Variants in R3HDM2 observed in about 807,000 individuals in gnomAD.
R3HDM2 encodes the protein R3H domain-containing protein 2.
In R3HDM2, 38 loss-of-function variants were observed where a neutral mutation model predicts 124.5. The observed-to-expected ratio is 0.31, with a 90% CI of 0.24 to 0.40. R3HDM2 has a LOEUF of 0.40. R3HDM2 is among the 10% of genes least tolerant of loss of function. The probability of loss-of-function intolerance (pLI) is 1.00; values close to 1 mark genes in which losing one functional copy is unlikely to be tolerated. For synonymous variants in R3HDM2, 391 were observed against 448.0 expected, an observed-to-expected ratio of 0.87 and a Z score of 1.61; for missense variants, 869 against 1,236.9, an observed-to-expected ratio of 0.70 and a Z score of 4.46.
chr12:57,314,141 T>C (rs1047519254), intron 2 of R3HDM2, among the ~76,000 whole-genome samples: 2 of 151,114 alleles, frequency 1.3e-5, no homozygotes, highest in Non-Finnish European at 2.9e-5. Context: ...TGAGCTGAGA[T>C]TGTGCCATTG....
chr12:57,357,622 G>A lies in R3HDM2; in HGVS notation c.-36+38127C>T, dbSNP rs113986277. On this transcript the variant is annotated intron_variant, in intron 2 of 23. Transcript: ENST00000402412. ...AAAGTTCAATTTTGTCAATCTTAAA[G>A]AACTAGCTTGTAGTTTTGCTGATTT... Among the ~76,000 whole-genome samples, 491 of 149,014 alleles carry A rather than the reference G, an allele frequency of 3.3e-3. 2 individuals carry two copies. Among genetic ancestry groups the A allele is most frequent in the African/African-American group, 0.01 (414 of 40,504 alleles).
In R3HDM2 at chr12:57,403,352, C is replaced by T. The variant is rs570232652; in HGVS notation, c.-105-7534G>A. The stretch of plus-strand genomic sequence containing the variant: ...ACTAAAAATACAAAAATTAGCTGGG[C>T]GTGATGGCGCACGCCTGTAATCCCA... On this transcript the variant is annotated intron_variant, in intron 1 of 23. Coordinates refer to ENST00000402412, the MANE Select transcript of R3HDM2 (RefSeq NM_001394031.1). Among the ~76,000 whole-genome samples the T allele has an allele frequency of 9.9e-5, 15 of 152,020 alleles. No individual in the cohort carries two copies. In the South Asian group the frequency reaches 2.1e-3, roughly 21 times the overall value.
intron 3 of R3HDM2, among the ~76,000 whole-genome samples, chr12:57,306,900 A>G (rs1040670064): frequency 6.6e-6 from 1 of 152,168 alleles, no homozygotes; most frequent in African/African-American, 2.4e-5. Flanking sequence ...CTGTAGTCCC[A>G]GCTACTTGGG....
intron 2 of R3HDM2, among the ~76,000 whole-genome samples, chr12:57,368,436 G>C (rs2062914804): frequency 6.6e-6 from 1 of 152,256 alleles, no homozygotes; most frequent in South Asian, 2.1e-4. Context: ...TCTTGATAAT[G>C]ATTTACTAGG....
At chr12:57,374,509 C>G (rs182247720) in intron 2 of R3HDM2, among the ~76,000 whole-genome samples, 45 of 150,806 alleles carry the variant, frequency 3.0e-4, no homozygotes, top group Admixed American at 6.7e-4. Flanking sequence ...TGGTAAAACC[C>G]TGTCTCTACT....
intron 2 of R3HDM2, among the ~76,000 whole-genome samples, chr12:57,338,227 C>T (rs1488326380): frequency 6.6e-6 from 1 of 152,082 alleles, no homozygotes; most frequent in Admixed American, 6.6e-5. Context: ...TGCTTGAACC[C>T]GGGAGGCAGA....
chr12:57,405,028 CT>C (rs1268235354), intron 1 of R3HDM2, among the ~76,000 whole-genome samples: 2 of 151,456 alleles, frequency 1.3e-5, no homozygotes, highest in Non-Finnish European at 2.9e-5. Flanking sequence ...TACTTTTTTC[CT>C]TTCTTTCTCT....
At chr12:57,319,171 C>G (rs2055830916) in intron 2 of R3HDM2, among the ~76,000 whole-genome samples, 1 of 152,042 alleles carries the variant, frequency 6.6e-6, no homozygotes, top group Admixed American at 6.6e-5. Context: ...TCGGCAACCT[C>G]CGCCTCTCGG....
intron 2 of R3HDM2, among the ~76,000 whole-genome samples, chr12:57,381,896 C>T (rs2064939486): frequency 6.6e-6 from 1 of 152,100 alleles, no homozygotes; most frequent in South Asian, 2.1e-4. Context: ...TGACTCACTG[C>T]AGCCTCAACC....
At chr12:57,352,486 CA>C (rs1378568064) in intron 2 of R3HDM2, among the ~76,000 whole-genome samples, 2 of 147,264 alleles carry the variant, frequency 1.4e-5, no homozygotes, top group Admixed American at 6.8e-5. Context: ...CCACACTAGG[CA>C]AACGCTTTTT....
At chr12:57,333,742 G>A (rs2058498496) in intron 2 of R3HDM2, among the ~76,000 whole-genome samples, 2 of 150,972 alleles carry the variant, frequency 1.3e-5, no homozygotes, top group Non-Finnish European at 3.0e-5. Context: ...GAGGGAGGAA[G>A]GAAGGAAGAA....
intron 14 of R3HDM2, among the ~76,000 whole-genome samples, chr12:57,279,178 CT>C (rs1212781487): frequency 0.085 from 9,772 of 114,930 alleles, 508 homozygotes; most frequent in East Asian, 0.27. Context: ...ATTAAGGTGA[CT>C]TTTTTTTTTT....
chr12:57,390,859 G>C (rs942289384), intron 2 of R3HDM2, among the ~76,000 whole-genome samples: 6 of 151,802 alleles, frequency 4.0e-5, no homozygotes, highest in Admixed American at 3.3e-4. Context: ...AAAAATACAG[G>C]AAATTAGCCA....
At chr12:57,418,322 T>TA in intron 1 of R3HDM2, 1 of 985,416 alleles carries the variant, frequency 1.0e-6, no homozygotes, top group Non-Finnish European at 1.2e-6. Context: ...GCGCAGAACA[T>TA]TTAGTTAACG....
intron 8 of R3HDM2, 132 bp downstream of exon 8, chr12:57,297,196 C>T: frequency 1.7e-6 from 1 of 579,794 alleles, no homozygotes; most frequent in Admixed American, 3.4e-5. Flanking sequence ...CTCAAATCTA[C>T]ATAATAACTT....
chr12:57,276,596 T>C (rs1241982092), intron 14 of R3HDM2, among the ~76,000 whole-genome samples: 1 of 152,040 alleles, frequency 6.6e-6, no homozygotes, highest in Non-Finnish European at 1.5e-5. Context: ...GGCATAAGAA[T>C]GATAAAATGG....
intron 2 of R3HDM2, among the ~76,000 whole-genome samples, chr12:57,320,966 G>A (rs1030782344): frequency 3.9e-5 from 6 of 152,056 alleles, no homozygotes; most frequent in Admixed American, 1.3e-4. Flanking sequence ...GAAGCTTTCC[G>A]GTCCTGTACT....
At chr12:57,302,743 G>A (rs1163979088) in intron 4 of R3HDM2, among the ~76,000 whole-genome samples, 8 of 147,036 alleles carry the variant, frequency 5.4e-5, no homozygotes, top group Non-Finnish European at 1.2e-4. Flanking sequence ...GAAATGTTGA[G>A]TCATTTTTCT....
intron 2 of R3HDM2, among the ~76,000 whole-genome samples, chr12:57,329,546 A>G (rs1593356189): frequency 1.3e-5 from 2 of 152,316 alleles, no homozygotes; most frequent in South Asian, 4.1e-4. Flanking sequence ...TAATCATTTT[A>G]TAGTAAGAAG....
Sources: gnomAD v4.1 joint callset for allele counts (sites outside exome capture counted in the v4.1 genomes callset) on GRCh38, gnomAD v4.1.1 for gene constraint, MANE v1.5 for transcripts, NCBI Gene and HGNC (gene_info 2026-07-23, HGNC 2026-07-21) for gene names.